Variants in FAM107A observed in about 807,000 individuals in gnomAD.
The protein encoded by FAM107A is actin-associated protein FAM107A.
Under a neutral mutation model 13.7 loss-of-function variants are expected in FAM107A, and 19 were observed. That is an observed-to-expected ratio of 1.38 (90% confidence interval 0.97 to 2.03). FAM107A has a LOEUF of 2.03. FAM107A is among the 30% of genes most tolerant of loss of function. The probability of loss-of-function intolerance (pLI) is 0.00; values close to 1 mark genes in which losing one functional copy is unlikely to be tolerated. For missense variants in FAM107A, 203 were observed against 184.4 expected (o/e 1.10, Z -0.58); for synonymous variants, 82 against 74.5 (o/e 1.10, Z -0.52).
chr3:58,569,641 C>G lies in FAM107A; in HGVS notation c.170+50G>C. The G allele has an allele frequency of 6.6e-7, 1 of 1,505,546 alleles. No individual in the cohort carries two copies. The highest frequency in any genetic ancestry group is 9.0e-7 in the Non-Finnish European group (1 of 1,108,280). The allele number at this position is 1,505,546 out of a possible 1,614,324, so 93.3% of individuals were successfully genotyped here. ...CCTCCAGGGTCACCTTCCCCATCCC[C>G]CACAGGCCCAGGTGCTTGCGGGGCC... On this transcript the variant is annotated intron_variant, in intron 2 of 3. Transcript: ENST00000360997. This position sits in a 1 kb window ranked among gnomAD's most constrained non-coding sequence, Gnocchi z 5.7.
At chr3:58,588,407 T>C (rs1328418020), upstream of FAM107A, among the ~76,000 whole-genome samples, 3 of 152,196 alleles carry the variant, frequency 2.0e-5, no homozygotes, top group Non-Finnish European at 4.4e-5. Flanking sequence ...CAGCTTCTGC[T>C]CTGACTCAGG....
rs146971807 is a variant in FAM107A at position 58,612,280 on chromosome 3, C to T, written c.-70+15136G>A. ...GTTGGTATCAGTGGAATGCTATGTA[C>T]CCATGAAAAATGTCTTGGGCTGGGT... On this transcript the variant is annotated intron_variant, in intron 1 of 3. Transcript: ENST00000465970. 1.1e-3 allele frequency among the ~76,000 whole-genome samples: 166 copies of T among 152,198 alleles called. 3 individuals are homozygous for T. The highest frequency in any genetic ancestry group is 3.8e-3 in the African/African-American group (157 of 41,526).
At chr3:58,612,043 T>G (rs2108078509) in intron 1 of FAM107A, among the ~76,000 whole-genome samples, 1 of 152,200 alleles carries the variant, frequency 6.6e-6, no homozygotes, top group Non-Finnish European at 1.5e-5. Flanking sequence ...GACAAGGCCA[T>G]GTTCTCTCTC....
At chr3:58,616,162 A>G (rs993367304) in intron 1 of FAM107A, among the ~76,000 whole-genome samples, 8 of 152,106 alleles carry the variant, frequency 5.3e-5, no homozygotes, top group Admixed American at 1.3e-4. Flanking sequence ...AGGGGATCAG[A>G]TTCAGAATTA....
upstream of FAM107A, among the ~76,000 whole-genome samples, chr3:58,580,501 A>G (rs939317104): frequency 6.9e-6 from 1 of 144,564 alleles, no homozygotes; most frequent in African/African-American, 2.6e-5. Context: ...TGCAGCCTTG[A>G]CCTCCTGGGA....
At chr3:58,576,537 T>A (rs1047231236) in intron 1 of FAM107A, among the ~76,000 whole-genome samples, 1 of 152,194 alleles carries the variant, frequency 6.6e-6, no homozygotes. Context: ...CCACTCAGGA[T>A]CTAAGCCACC....
chr3:58,594,708 T>A (rs1300357629), intron 1 of FAM107A, among the ~76,000 whole-genome samples: 1 of 152,206 alleles, frequency 6.6e-6, no homozygotes, highest in Non-Finnish European at 1.5e-5. Context: ...GTTTTTCTTA[T>A]TAATATAAGA....
intron 1 of FAM107A, among the ~76,000 whole-genome samples, chr3:58,597,589 A>G (rs2065718754): frequency 1.3e-5 from 2 of 152,364 alleles, no homozygotes; most frequent in African/African-American, 4.8e-5. Context: ...TGCCTAGCAC[A>G]GTTCTTGGCA....
chr3:58,586,946 C>T, exon 1 of FAM107A: 1 of 1,525,362 alleles, frequency 6.6e-7, no homozygotes, highest in South Asian at 1.2e-5. Context: ...TGCCCCCGCG[C>T]CTCCTACTGC....
At chr3:58,577,819 A>C, upstream of FAM107A, 6 of 581,584 alleles carry the variant, frequency 1.0e-5, no homozygotes, top group Non-Finnish European at 1.1e-5. This position sits in a 1 kb window ranked among gnomAD's most constrained non-coding sequence, Gnocchi z 4.9. Context: ...TGGGGTGTAA[A>C]GGGAGGGGAA....
chr3:58,587,341 C>T (rs186528451), upstream of FAM107A, among the ~76,000 whole-genome samples: 3 of 152,292 alleles, frequency 2.0e-5, no homozygotes, highest in East Asian at 5.8e-4. Flanking sequence ...GGATCAGGTC[C>T]CACCACCACC....
chr3:58,620,011 A>G (rs2065938435), intron 1 of FAM107A, among the ~76,000 whole-genome samples: 2 of 152,128 alleles, frequency 1.3e-5, no homozygotes, highest in Admixed American at 1.3e-4. Flanking sequence ...TTCTGCATGG[A>G]TCCTTCCATA....
intron 1 of FAM107A, chr3:58,570,487 G>A (rs920757744): frequency 1.1e-5 from 5 of 474,550 alleles, no homozygotes; most frequent in East Asian, 3.1e-4. Context: ...TACCACAGCG[G>A]TTTGAAATCT....
Position 58,604,529 on chromosome 3 carries a change from TTC to T in FAM107A, c.-69-15262_-69-15261del. On this transcript the variant is annotated intron_variant, in intron 1 of 3. Coordinates refer to the FAM107A transcript ENST00000465970. This position sits in a 1 kb window ranked among gnomAD's most constrained non-coding sequence, Gnocchi z 4.1. ...AGTTAGTGGCAGGGTCATAACTTGT[TTC>T]TCTCATTGTTGCACGTGACAGCCTC... Among the ~76,000 whole-genome samples, 1 of 152,158 alleles carries T rather than the reference TTC, an allele frequency of 6.6e-6. No individual in the cohort carries two copies.
In FAM107A at chr3:58,569,524, C is replaced by T. The variant is rs2108039552; in HGVS notation, c.170+167G>A. Among the ~76,000 whole-genome samples the T allele has an allele frequency of 6.6e-6, 1 of 152,284 alleles. No homozygotes were observed. Among genetic ancestry groups the T allele is most frequent in the East Asian group, 1.9e-4 (1 of 5,180 alleles). On this transcript the variant is annotated intron_variant, in intron 2 of 3. Transcript: ENST00000360997. This position sits in a 1 kb window ranked among gnomAD's most constrained non-coding sequence, Gnocchi z 5.7. ...CTGGTTCCCAGGGACCCACTGGGGA[C>T]AGGGTCTTTACAGGTTTTGCCGGTG...
chr3:58,586,860 G>A, exon 1 of FAM107A: 2 of 1,530,154 alleles, frequency 1.3e-6, no homozygotes, highest in Non-Finnish European at 1.7e-6. Flanking sequence ...CCACTTACCC[G>A]ACCGGAGCAG....
intron 2 of FAM107A, among the ~76,000 whole-genome samples, chr3:58,567,688 G>C (rs957807641): frequency 6.6e-6 from 1 of 152,296 alleles, no homozygotes; most frequent in East Asian, 1.9e-4. Context: ...GCTGGGTCAG[G>C]CTCTTTAAAA....
intron 1 of FAM107A, among the ~76,000 whole-genome samples, chr3:58,605,014 C>G (rs1379786233): frequency 6.6e-6 from 1 of 152,194 alleles, no homozygotes; most frequent in Admixed American, 6.5e-5. Flanking sequence ...TGCACTCCTG[C>G]AAAGTCCAGG....
At chr3:58,584,748 G>A (rs1420327679) in intron 1 of FAM107A, among the ~76,000 whole-genome samples, 1 of 152,170 alleles carries the variant, frequency 6.6e-6, no homozygotes, top group Non-Finnish European at 1.5e-5. Flanking sequence ...CATGCACCCA[G>A]TAAATGACTA....
Sources: gnomAD v4.1 joint callset for allele counts (sites outside exome capture counted in the v4.1 genomes callset) on GRCh38, gnomAD v4.1.1 for gene constraint, Gnocchi (gnomAD v3.1) non-coding constraint, MANE v1.5 for transcripts, NCBI Gene and HGNC (gene_info 2026-07-23, HGNC 2026-07-21) for gene names.